Variants in ADGRL3 observed in about 807,000 individuals in gnomAD.
ADGRL3 encodes the protein calcium-independent alpha-latrotoxin receptor 3.
A neutral mutation model predicts 153.5 loss-of-function variants in ADGRL3; 62 were observed. That is an observed-to-expected ratio of 0.40 (90% CI 0.33 to 0.50). ADGRL3 has a LOEUF of 0.50. Ranked by LOEUF, ADGRL3 falls within the 20% of genes least tolerant of loss-of-function variation. The pLI is 0.47. For synonymous variants in ADGRL3, 710 were observed against 672.5 expected, an observed-to-expected ratio of 1.06 and a Z score of -0.86; for missense variants, 1,641 against 1,859.4, an observed-to-expected ratio of 0.88 and a Z score of 2.16.
intron 8 of ADGRL3, chr4:61,775,406 G>A (rs573771114): frequency 2.0e-6 from 1 of 490,732 alleles, no homozygotes; most frequent in East Asian, 4.0e-5. Flanking sequence ...CTTTCTTTGT[G>A]TGTGTGTGTG....
At chr4:61,873,470 T>G (rs1174166936) in intron 9 of ADGRL3, among the ~76,000 whole-genome samples, 1 of 152,146 alleles carries the variant, frequency 6.6e-6, no homozygotes, top group Non-Finnish European at 1.5e-5. Context: ...TAAAACCAAT[T>G]TTTAAATAGT....
chr4:61,302,893 A>G (rs1472933766), intron 1 of ADGRL3, among the ~76,000 whole-genome samples: 2 of 152,146 alleles, frequency 1.3e-5, no homozygotes, highest in Non-Finnish European at 2.9e-5. Context: ...TGGATAAGAA[A>G]ATAAATTTCA....
At chr4:61,432,485 A>G (rs888680022) in intron 2 of ADGRL3, among the ~76,000 whole-genome samples, 4 of 151,774 alleles carry the variant, frequency 2.6e-5, no homozygotes, top group African/African-American at 9.7e-5. Context: ...TATTCTTGGC[A>G]TAGGTATGAA....
At chr4:61,464,467 G>A (rs1310412221) in intron 2 of ADGRL3, among the ~76,000 whole-genome samples, 1 of 152,002 alleles carries the variant, frequency 6.6e-6, no homozygotes, top group Non-Finnish European at 1.5e-5. Context: ...TTTAACTTTT[G>A]ATCTGTATTG....
At chr4:61,959,274 A>G (rs530112642) in intron 17 of ADGRL3, among the ~76,000 whole-genome samples, 1 of 152,290 alleles carries the variant, frequency 6.6e-6, no homozygotes, top group African/African-American at 2.4e-5. Flanking sequence ...GCACCGTAAC[A>G]TATGCCTCAG....
intron 1 of ADGRL3, among the ~76,000 whole-genome samples, chr4:61,353,292 A>C (rs1240544433): frequency 2.0e-5 from 3 of 152,172 alleles, no homozygotes; most frequent in Non-Finnish European, 4.4e-5. Flanking sequence ...TTTTATCACA[A>C]TATTCACTTT....
intron 8 of ADGRL3, among the ~76,000 whole-genome samples, chr4:61,802,141 T>G (rs532562450): frequency 1.3e-5 from 2 of 152,252 alleles, no homozygotes; most frequent in African/African-American, 4.8e-5. Context: ...ATTAGTTGAA[T>G]TGAAACCATG....
At chr4:61,380,012 T>A (rs1011423598) in intron 1 of ADGRL3, among the ~76,000 whole-genome samples, 3 of 151,960 alleles carry the variant, frequency 2.0e-5, no homozygotes, top group African/African-American at 7.2e-5. Context: ...CCTCAGAGAA[T>A]TGTTTTAAAG....
At chr4:61,871,130 T>G (rs563281737) in intron 9 of ADGRL3, among the ~76,000 whole-genome samples, 1 of 152,074 alleles carries the variant, frequency 6.6e-6, no homozygotes, top group South Asian at 2.1e-4. Flanking sequence ...TACAAAAAAT[T>G]AGCCAGGTGT....
chr4:62,031,950 G>A (rs889751093), intron 23 of ADGRL3, among the ~76,000 whole-genome samples: 4 of 112,432 alleles, frequency 3.6e-5, no homozygotes, highest in African/African-American at 9.1e-5. Context: ...GTGGAGGCAT[G>A]AGTTATACAC....
chr4:61,612,809 T>C (rs137935492), intron 5 of ADGRL3, among the ~76,000 whole-genome samples: 32 of 152,276 alleles, frequency 2.1e-4, no homozygotes, highest in Middle Eastern at 3.4e-3. Context: ...TCTGAAGTGC[T>C]GAGCTGTTTA....
intron 4 of ADGRL3, among the ~76,000 whole-genome samples, chr4:61,523,158 C>G (rs138938031): frequency 6.6e-6 from 1 of 152,046 alleles, no homozygotes; most frequent in African/African-American, 2.4e-5. Flanking sequence ...TCTTACTTTC[C>G]TTACTCCTAA....
chr4:62,069,208 T>C (rs1335062198), intron 26 of ADGRL3, among the ~76,000 whole-genome samples: 5 of 152,164 alleles, frequency 3.3e-5, no homozygotes, highest in Non-Finnish European at 7.4e-5. Flanking sequence ...AAAATGTTTA[T>C]CCTTTTGAAA....
At chr4:62,040,381 C>T (rs1440868916) in intron 24 of ADGRL3, among the ~76,000 whole-genome samples, 1 of 151,830 alleles carries the variant, frequency 6.6e-6, no homozygotes, top group Non-Finnish European at 1.5e-5. Flanking sequence ...AATACTAATT[C>T]TGATTAACTA....
chr4:61,579,881 G>T (rs980552013), intron 4 of ADGRL3, among the ~76,000 whole-genome samples: 1 of 152,046 alleles, frequency 6.6e-6, no homozygotes, highest in African/African-American at 2.4e-5. Flanking sequence ...GAGAGCATAT[G>T]TTCTTTTAAA....
chr4:61,671,826 AG>A (rs959291543), intron 5 of ADGRL3, among the ~76,000 whole-genome samples: 20 of 152,140 alleles, frequency 1.3e-4, no homozygotes, highest in Non-Finnish European at 2.8e-4. Flanking sequence ...CCCACAAGAC[AG>A]CAGTATCATG....
chr4:61,879,507 A>C (rs1239889963), intron 9 of ADGRL3, among the ~76,000 whole-genome samples: 1 of 152,140 alleles, frequency 6.6e-6, no homozygotes, highest in Admixed American at 6.5e-5. Flanking sequence ...AATTTTGTGG[A>C]CACATCACAT....
chr4:61,925,492 G>T (rs1440125093), intron 13 of ADGRL3, among the ~76,000 whole-genome samples: 1 of 152,118 alleles, frequency 6.6e-6, no homozygotes, highest in Non-Finnish European at 1.5e-5. Flanking sequence ...AAAGAAAAGA[G>T]GTTTAATTTG....
intron 13 of ADGRL3, among the ~76,000 whole-genome samples, chr4:61,916,745 G>T (rs1421904926): frequency 1.3e-5 from 2 of 152,112 alleles, no homozygotes; most frequent in Admixed American, 6.6e-5. Context: ...TTGAGACCAG[G>T]AGTTTGAGAC....
Sources: gnomAD v4.1 joint callset for allele counts (sites outside exome capture counted in the v4.1 genomes callset) on GRCh38, gnomAD v4.1.1 for gene constraint, MANE v1.5 for transcripts, NCBI Gene and HGNC (gene_info 2026-07-23, HGNC 2026-07-21) for gene names.